The following NSUN7 variants were observed in gnomAD, a reference collection of about 807,000 sequenced individuals.
The protein encoded by NSUN7 is protein NSUN7.
A neutral mutation model predicts 58.5 loss-of-function variants in NSUN7; 39 were observed. The ratio of observed to expected loss-of-function variants is 0.67; its 90% CI spans 0.52 to 0.87. The LOEUF (loss-of-function observed/expected upper bound fraction) is 0.87, where lower values mean the gene tolerates loss of function less well. NSUN7 is among the 40% of genes least tolerant of loss of function. The probability of loss-of-function intolerance (pLI) is 0.00; values close to 1 mark genes in which losing one functional copy is unlikely to be tolerated. For missense variants in NSUN7, 765 were observed against 844.1 expected (o/e 0.91, Z 1.16); for synonymous variants, 278 against 303.7 (o/e 0.92, Z 0.88).
intron 4 of NSUN7, among the ~76,000 whole-genome samples, chr4:40,763,088 T>C (rs1205922799): frequency 6.6e-6 from 1 of 151,668 alleles, no homozygotes; most frequent in African/African-American, 2.4e-5. Flanking sequence ...GAAAGGGGAG[T>C]AGCCAGAATT....
intron 10 of NSUN7, among the ~76,000 whole-genome samples, chr4:40,802,059 T>C (rs907246342): frequency 6.6e-6 from 1 of 152,208 alleles, no homozygotes; most frequent in African/African-American, 2.4e-5. Context: ...TATAGTACTT[T>C]CATAATTTCA....
At chr4:40,772,314 AAT>A (rs1742052873) in intron 4 of NSUN7, among the ~76,000 whole-genome samples, 1 of 152,244 alleles carries the variant, frequency 6.6e-6, no homozygotes, top group Non-Finnish European at 1.5e-5. Context: ...GTTAATAAAA[AAT>A]AGTCTATACT....
At chr4:40,801,228 G>A (rs981813452) in intron 10 of NSUN7, among the ~76,000 whole-genome samples, 9 of 152,188 alleles carry the variant, frequency 5.9e-5, no homozygotes, top group African/African-American at 2.2e-4. Flanking sequence ...ACTATAACAA[G>A]GTAGTGACAG....
chr4:40,806,861 A>G (rs576072029), intron 10 of NSUN7, among the ~76,000 whole-genome samples, 200 bp from the exon 11 acceptor site: 30 of 152,348 alleles, frequency 2.0e-4, no homozygotes, highest in African/African-American at 6.7e-4. Flanking sequence ...TTTATAATAA[A>G]TTATGAATAT....
chr4:40,765,551 C>T (rs1378142928), intron 4 of NSUN7, among the ~76,000 whole-genome samples: 9 of 151,764 alleles, frequency 5.9e-5, no homozygotes, highest in Non-Finnish European at 1.3e-4. Flanking sequence ...TTAGGATTGA[C>T]TTGGCGATGT....
chr4:40,760,661 G>A (rs189577021), intron 3 of NSUN7, among the ~76,000 whole-genome samples, 169 bp downstream of exon 3: 2 of 152,124 alleles, frequency 1.3e-5, no homozygotes, highest in East Asian at 1.9e-4. Flanking sequence ...TCGGGAGTTC[G>A]AGACCAGCCT....
At chr4:40,792,865 GGGAACGT>G (rs2154288738) in intron 8 of NSUN7, among the ~76,000 whole-genome samples, 1 of 152,282 alleles carries the variant, frequency 6.6e-6, no homozygotes, top group East Asian at 1.9e-4. Context: ...TGACTCTGGT[GGGAACGT>G]GGAACGTTAG....
intron 8 of NSUN7, among the ~76,000 whole-genome samples, chr4:40,792,828 T>G (rs1173927937): frequency 1.3e-5 from 2 of 151,994 alleles, no homozygotes; most frequent in African/African-American, 4.8e-5. Context: ...GCTAAAAGCT[T>G]GAGCAAATAA....
In NSUN7 at chr4:40,793,523, G is replaced by A. The variant is rs952675862; in HGVS notation, c.1181-852G>A. On this transcript the variant is annotated intron_variant, in intron 8 of 11. Transcript: ENST00000381782. ...ATGTAAAACTAAATTGGGAAGAAAT[G>A]GAGTTTAATTAACCTTTAGTGATAG... Among the ~76,000 whole-genome samples, 5 of 152,266 alleles carry A rather than the reference G, an allele frequency of 3.3e-5. No homozygotes were observed. The East Asian group carries it at 9.6e-4, about 29-fold the overall frequency.
At chr4:40,772,696 A>G (rs996034400) in intron 4 of NSUN7, among the ~76,000 whole-genome samples, 2 of 152,240 alleles carry the variant, frequency 1.3e-5, no homozygotes, top group African/African-American at 4.8e-5. Flanking sequence ...TGCTAAAAAA[A>G]TAACAGAGAT....
chr4:40,770,786 C>T (rs1741961843), intron 4 of NSUN7, among the ~76,000 whole-genome samples: 2 of 152,218 alleles, frequency 1.3e-5, no homozygotes, highest in South Asian at 4.1e-4. Context: ...GGCACGGTGG[C>T]TCACACCTGT....
intron 4 of NSUN7, among the ~76,000 whole-genome samples, chr4:40,772,532 G>A (rs115706458): frequency 6.6e-6 from 1 of 152,160 alleles, no homozygotes; most frequent in African/African-American, 2.4e-5. Context: ...TCCTTACCAA[G>A]TTCCCCTATC....
rs966263313 is a variant in NSUN7, at chr4:40,808,893, A to G, written c.2111A>G (p.Asp704Gly). The change falls in exon 12 of 12, where the codon GAT becomes GGT. Residue 704 changes from aspartate to glycine, a missense_variant. Transcript: ENST00000381782. ...SLSRKEEKPK[D>G]DTPSSLLRPP... ...TCCAGAAAAGAGGAAAAGCCTAAAG[A>G]TGACACACCTTCCTCCCTACTCAGG... 6.5e-7 allele frequency: 1 copy of G among 1,543,240 alleles called. No individual in the cohort carries two copies. Among genetic ancestry groups the G allele is most frequent in the Non-Finnish European group, 8.7e-7 (1 of 1,146,066 alleles).
intron 4 of NSUN7, among the ~76,000 whole-genome samples, chr4:40,773,410 C>T (rs1303885326): frequency 3.3e-5 from 5 of 152,098 alleles, no homozygotes; most frequent in South Asian, 4.1e-4. Context: ...CGGCTGGGTG[C>T]GGTGGCTTAC....
At position 40,799,073 on chromosome 4, in the gene NSUN7, C is replaced by CTTTTTTTTTTTT. The variant is rs761448412; in HGVS notation, c.1400+187_1400+198dup. Among the ~76,000 whole-genome samples the CTTTTTTTTTTTT allele has an allele frequency of 4.5e-3, 342 of 75,630 alleles. 91 individuals are homozygous for CTTTTTTTTTTTT. Among genetic ancestry groups the CTTTTTTTTTTTT allele is most frequent in the African/African-American group, 0.012 (236 of 19,932 alleles). 49.6% of individuals were successfully genotyped at this position (75,630 alleles called of 152,430 possible). ...AACCAAGATTCCATAGGGCCTTTTT[C>CTTTTTTTTTTTT]TTTTTTTTTTTTTTTTTTTTTTTTT... On this transcript the variant is annotated intron_variant, in intron 10 of 11. Transcript: ENST00000381782.
At chr4:40,782,488 A>G (rs942171843) in intron 7 of NSUN7, among the ~76,000 whole-genome samples, 1 of 151,704 alleles carries the variant, frequency 6.6e-6, no homozygotes, top group Non-Finnish European at 1.5e-5. Context: ...GAATCTCTTG[A>G]ACTTGGGAAG....
At chr4:40,785,992 G>A (rs943397781) in intron 7 of NSUN7, 341 of 1,353,858 alleles carry the variant, frequency 2.5e-4, no homozygotes, top group Non-Finnish European at 3.1e-4. Flanking sequence ...TGGGAGAGAC[G>A]CTGAGTGAAG....
chr4:40,755,244 CACGCCCG>C (rs1228405906), intron 2 of NSUN7, among the ~76,000 whole-genome samples: 3 of 152,172 alleles, frequency 2.0e-5, no homozygotes, highest in Non-Finnish European at 2.9e-5. Flanking sequence ...CACATGCCAT[CACGCCCG>C]GCTAATTTTT....
chr4:40,798,805 T>C lies in NSUN7; in HGVS notation c.1301T>C (p.Val434Ala). Residue 434 changes from valine to alanine, a missense_variant, in exon 10 of 12, where the codon GTT becomes GCT. Val to Ala is a moderately conservative substitution (Grantham distance 64). Coordinates refer to ENST00000381782, the MANE Select transcript of NSUN7 (RefSeq NM_024677.6). ...AATATAGTTACTAAAGCTCAAGCAG[T>C]TGTTTACTGCACATGTTCAGTTTTT... ...HAMKFTKAQA[V>A]VYCTCSVFPE... The C allele has an allele frequency of 6.2e-7, 1 of 1,607,670 alleles. No homozygotes were observed. Among genetic ancestry groups the C allele is most frequent in the Non-Finnish European group, 8.5e-7 (1 of 1,175,636 alleles).
Sources: gnomAD v4.1 joint callset for allele counts (sites outside exome capture counted in the v4.1 genomes callset) on GRCh38, gnomAD v4.1.1 for gene constraint, MANE v1.5 for transcripts, NCBI Gene and HGNC (gene_info 2026-07-23, HGNC 2026-07-21) for gene names.